The following RIMS4 variants were observed in gnomAD, a reference collection of about 807,000 sequenced individuals.
RIMS4 encodes the protein regulating synaptic membrane exocytosis protein 4.
RIMS4 carries 9 observed loss-of-function variants against 29.0 expected under a neutral mutation model. That is an observed-to-expected ratio of 0.31 (90% CI 0.19 to 0.54). RIMS4 has a LOEUF of 0.54. Ranked by LOEUF, RIMS4 falls within the 20% of genes least tolerant of loss-of-function variation. RIMS4 has a pLI of 0.94. For synonymous variants in RIMS4, 130 were observed against 152.9 expected, an observed-to-expected ratio of 0.85 and a Z score of 1.10; for missense variants, 193 against 365.7, an observed-to-expected ratio of 0.53 and a Z score of 3.85.
chr20:44,780,832 T>C (rs2066181059), intron 1 of RIMS4, among the ~76,000 whole-genome samples: 1 of 152,050 alleles, frequency 6.6e-6, no homozygotes, highest in Non-Finnish European at 1.5e-5. Flanking sequence ...GGAGAGATCA[T>C]AAAGACACAG....
At chr20:44,800,413 TACC>T (rs1369469962) in intron 1 of RIMS4, among the ~76,000 whole-genome samples, 1 of 151,972 alleles carries the variant, frequency 6.6e-6, no homozygotes, top group Non-Finnish European at 1.5e-5. Flanking sequence ...ACAGTGCTTG[TACC>T]AGGGATGGGA....
intron 1 of RIMS4, among the ~76,000 whole-genome samples, chr20:44,779,893 G>A (rs535667023): frequency 9.2e-5 from 14 of 152,312 alleles, no homozygotes; most frequent in African/African-American, 3.1e-4. Context: ...CTGAAGAAGT[G>A]AGGCTAAAGA....
chr20:44,770,488 C>T (rs2066132172), intron 2 of RIMS4, among the ~76,000 whole-genome samples: 1 of 152,126 alleles, frequency 6.6e-6, no homozygotes, highest in Non-Finnish European at 1.5e-5. Context: ...AAACTGGGCC[C>T]AATGCTTTCC....
intron 1 of RIMS4, among the ~76,000 whole-genome samples, chr20:44,783,004 A>G (rs761382372): frequency 6.6e-6 from 1 of 152,260 alleles, no homozygotes; most frequent in African/African-American, 2.4e-5. Context: ...CGACTGTCAC[A>G]GTAAGATACA....
At chr20:44,805,501 A>AG (rs1346379853) in intron 1 of RIMS4, among the ~76,000 whole-genome samples, 1 of 152,004 alleles carries the variant, frequency 6.6e-6, no homozygotes, top group Non-Finnish European at 1.5e-5. Flanking sequence ...TGAGAGAGGA[A>AG]GTGTCCTGCC....
At chr20:44,770,307 T>C (rs150953159) in intron 2 of RIMS4, among the ~76,000 whole-genome samples, 168 of 152,288 alleles carry the variant, frequency 1.1e-3, no homozygotes, top group African/African-American at 2.7e-3. Flanking sequence ...AGTGCCCTGG[T>C]CATCTGTATG....
intron 1 of RIMS4, among the ~76,000 whole-genome samples, chr20:44,779,149 C>T (rs1481256455): frequency 6.6e-6 from 1 of 152,172 alleles, no homozygotes; most frequent in African/African-American, 2.4e-5. Flanking sequence ...TCCATGTGAC[C>T]AGCTGCCCCT....
rs574305974 is a variant in RIMS4, at chr20:44,755,756, G to A, written c.*378C>T. Reference sequence around the variant, plus strand: ...GGTAATTGGCACCATGGAGATGGCCGGCTGGGTTCTGGACATGGCTCTGGG... The same window carrying A: ...GGTAATTGGCACCATGGAGATGGCCAGCTGGGTTCTGGACATGGCTCTGGG... On this transcript the variant is annotated 3_prime_UTR_variant, in exon 6 of 6. Transcript: ENST00000372851. 9.6e-4 allele frequency: 175 copies of A among 182,212 alleles called. 1 individual carries two copies. Among genetic ancestry groups the A allele is most frequent in the Middle Eastern group, 4.7e-3 (2 of 426 alleles). 11.3% of individuals were successfully genotyped at this position (182,212 alleles called of 1,614,324 possible).
intron 2 of RIMS4, 87 bp from the exon 3 acceptor site, chr20:44,758,271 G>C (rs963148223): frequency 6.9e-6 from 6 of 875,614 alleles, no homozygotes; most frequent in Non-Finnish European, 1.1e-5. Flanking sequence ...CCATGCAATG[G>C]ATATGCTGAA....
At chr20:44,780,068 T>G (rs1337909804) in intron 1 of RIMS4, among the ~76,000 whole-genome samples, 1 of 152,180 alleles carries the variant, frequency 6.6e-6, no homozygotes, top group African/African-American at 2.4e-5. Context: ...GTAATACAGT[T>G]GACATTCAAT....
intron 1 of RIMS4, among the ~76,000 whole-genome samples, chr20:44,788,380 G>A (rs1010048592): frequency 4.6e-5 from 7 of 152,180 alleles, no homozygotes; most frequent in East Asian, 1.9e-4. Context: ...ATTGGGCAGC[G>A]CTGGGCTAGA....
intron 1 of RIMS4, among the ~76,000 whole-genome samples, chr20:44,785,135 ACT>A (rs1369738192): frequency 1.3e-5 from 2 of 151,096 alleles, no homozygotes; most frequent in Non-Finnish European, 2.9e-5. Flanking sequence ...GATAAAAGCT[ACT>A]CTCTCTTAGA....
chr20:44,755,909 C>A lies in RIMS4; in HGVS notation c.*225G>T. The stretch of plus-strand genomic sequence containing the variant: ...CCACATCCACCAGGTCAAGAACCGG[C>A]CAAGTCAAAAGTGTAGCCAATCCCG... On this transcript the variant is annotated 3_prime_UTR_variant, in exon 6 of 6. Coordinates refer to ENST00000372851, the MANE Select transcript of RIMS4 (RefSeq NM_182970.4). The A allele has an allele frequency of 1.9e-6, 1 of 526,104 alleles. No individual in the cohort carries two copies. Among genetic ancestry groups the A allele is most frequent in the Non-Finnish European group, 3.4e-6 (1 of 293,820 alleles). The allele number at this position is 526,104 out of a possible 1,614,324, so 32.6% of individuals were successfully genotyped here.
chr20:44,804,051 T>A (rs766952050), intron 1 of RIMS4, among the ~76,000 whole-genome samples: 1 of 152,192 alleles, frequency 6.6e-6, no homozygotes, highest in Non-Finnish European at 1.5e-5. Flanking sequence ...AAGCAGAAGA[T>A]GGCCTAGAGT....
intron 2 of RIMS4, among the ~76,000 whole-genome samples, chr20:44,769,990 T>G (rs1601025109): frequency 6.6e-6 from 1 of 152,242 alleles, no homozygotes; most frequent in Non-Finnish European, 1.5e-5. Flanking sequence ...TAGCCACAAG[T>G]TGCTAGCGAG....
intron 2 of RIMS4, among the ~76,000 whole-genome samples, chr20:44,764,139 T>C (rs7264618): frequency 0.011 from 167 of 15,364 alleles, no homozygotes; most frequent in Non-Finnish European, 0.013. Context: ...TCCATCCATT[T>C]ATGCATCCAT....
chr20:44,792,747 A>G (rs767934825), intron 1 of RIMS4, among the ~76,000 whole-genome samples: 15 of 152,234 alleles, frequency 9.9e-5, no homozygotes, highest in South Asian at 2.1e-4. Flanking sequence ...TACCTGGCAT[A>G]TATGAAATAA....
Position 44,756,552 on chromosome 20 carries a change from G to C in RIMS4, c.592-200C>G, listed in dbSNP as rs1382635249. Among the ~76,000 whole-genome samples the C allele has an allele frequency of 6.6e-6, 1 of 152,172 alleles. No homozygotes were observed. Among genetic ancestry groups the C allele is most frequent in the Admixed American group, 6.5e-5 (1 of 15,286 alleles). ...CCTCCAGAGGCTGTTGATGGTAATG[G>C]TGACGGTGACGATGGTAATGGGTAG... On this transcript the variant is annotated intron_variant, in intron 5 of 5. Transcript: ENST00000372851. The surrounding 1 kb of genome is among the most constrained non-coding windows in gnomAD (Gnocchi z 5.9).
chr20:44,772,180 T>C (rs1184805331), intron 1 of RIMS4, among the ~76,000 whole-genome samples: 3 of 152,136 alleles, frequency 2.0e-5, no homozygotes, highest in African/African-American at 4.8e-5. Context: ...TTCCATTCTG[T>C]GGTCAAACAT....
Sources: allele counts gnomAD v4.1 joint callset (sites outside exome capture counted in the v4.1 genomes callset), GRCh38; gene constraint gnomAD v4.1.1; non-coding constraint Gnocchi (gnomAD v3.1); transcripts MANE v1.5; gene names NCBI Gene and HGNC (gene_info 2026-07-23, HGNC 2026-07-21).